Variants in TENT5D observed in about 807,000 individuals in gnomAD.
TENT5D encodes terminal nucleotidyltransferase 5D, also known as cancer/testis antigen 112.
For synonymous variants in TENT5D, 103 were observed against 100.6 expected (o/e 1.02, Z -0.15); for missense variants, 191 against 287.0 (o/e 0.67, Z 2.42).
chrX:80,413,160 T>A, intron 3 of TENT5D, among the ~76,000 whole-genome samples: 1 of 112,291 alleles, frequency 8.9e-6, no homozygotes, highest in East Asian at 2.8e-4. Flanking sequence ...ACCAAATTTT[T>A]AAAACCATAT....
At chrX:80,387,896 A>G (rs961468556) in intron 3 of TENT5D, among the ~76,000 whole-genome samples, 5 of 110,893 alleles carry the variant, frequency 4.5e-5, no homozygotes, top group African/African-American at 1.6e-4. Context: ...CCACATAAAT[A>G]TATTCTATTC....
At chrX:80,435,561 C>G (rs771104735) in intron 1 of TENT5D, among the ~76,000 whole-genome samples, 2 of 112,200 alleles carry the variant, frequency 1.8e-5, no homozygotes, top group Non-Finnish European at 3.8e-5. Context: ...CAAAGAGGGA[C>G]AGACTAACAC....
At chrX:80,358,255 G>A (rs1461212106) in intron 3 of TENT5D, among the ~76,000 whole-genome samples, 1 of 111,045 alleles carries the variant, frequency 9.0e-6, no homozygotes, top group Non-Finnish European at 1.9e-5. Context: ...ATAGGCATGG[G>A]CAAGGACTTC....
At chrX:80,397,188 G>C (rs1363080019) in intron 3 of TENT5D, among the ~76,000 whole-genome samples, 12 of 104,513 alleles carry the variant, frequency 1.1e-4, no homozygotes, top group African/African-American at 4.2e-4. Flanking sequence ...CGGTTGCCAG[G>C]TGGAGGGTCT....
chrX:80,352,614 A>G (rs763328352), intron 3 of TENT5D, among the ~76,000 whole-genome samples: 16 of 105,336 alleles, frequency 1.5e-4, no homozygotes, highest in Non-Finnish European at 2.5e-4. Context: ...AGTGGGACCT[A>G]TTGAACGAGA....
At chrX:80,424,787 T>G in intron 1 of TENT5D, among the ~76,000 whole-genome samples, 1 of 112,877 alleles carries the variant, frequency 8.9e-6, no homozygotes, top group Non-Finnish European at 1.9e-5. Context: ...TAATTACCTT[T>G]ACATAGGCCT....
At chrX:80,364,720 A>G (rs377068062) in intron 3 of TENT5D, among the ~76,000 whole-genome samples, 2 of 109,657 alleles carry the variant, frequency 1.8e-5, no homozygotes, top group East Asian at 2.8e-4. Context: ...ATATGTAGAT[A>G]TATAAAATAT....
chrX:80,389,235 T>A (rs1931082421), intron 3 of TENT5D, among the ~76,000 whole-genome samples: 1 of 107,475 alleles, frequency 9.3e-6, no homozygotes. Context: ...ACAAAGATGC[T>A]TTTTTGTGTG....
intron 1 of TENT5D, among the ~76,000 whole-genome samples, chrX:80,424,746 G>C (rs953264443): frequency 1.8e-4 from 20 of 112,245 alleles, no homozygotes; most frequent in African/African-American, 6.5e-4. Flanking sequence ...CTCATACTTG[G>C]CCTGATTATT....
intron 3 of TENT5D, among the ~76,000 whole-genome samples, chrX:80,408,528 C>G (rs1284869569): frequency 5.5e-5 from 6 of 109,547 alleles, no homozygotes; most frequent in Non-Finnish European, 9.5e-5. Context: ...GACACATACA[C>G]TCTCCCAAGA....
At chrX:80,373,107 A>AT (rs1479658247) in intron 3 of TENT5D, among the ~76,000 whole-genome samples, 1 of 110,958 alleles carries the variant, frequency 9.0e-6, no homozygotes, top group Non-Finnish European at 1.9e-5. Flanking sequence ...TGCCTATTTC[A>AT]TTGTGTAAAG....
intron 3 of TENT5D, among the ~76,000 whole-genome samples, chrX:80,352,720 C>CA (rs1189877322): frequency 0.27 from 5,364 of 19,905 alleles, 515 homozygotes; most frequent in East Asian, 0.52. Context: ...AGCAAACAAA[C>CA]AAAAAAAAAA....
intron 2 of TENT5D, among the ~76,000 whole-genome samples, chrX:80,441,555 A>C (rs946799628): frequency 9.0e-6 from 1 of 111,386 alleles, no homozygotes; most frequent in Non-Finnish European, 1.9e-5. Flanking sequence ...AACTATGTCC[A>C]TGTTGAATGT....
chrX:80,339,586 GC>G, intron 2 of TENT5D, among the ~76,000 whole-genome samples: 1 of 110,678 alleles, frequency 9.0e-6, no homozygotes, highest in South Asian at 3.8e-4. Flanking sequence ...GGGAACAGAA[GC>G]TTAAAGACAA....
intron 3 of TENT5D, among the ~76,000 whole-genome samples, chrX:80,411,611 A>T (rs919386358): frequency 2.7e-5 from 3 of 112,164 alleles, no homozygotes; most frequent in African/African-American, 9.7e-5. Context: ...CTTTTAAATA[A>T]CCTTTGAATT....
At chrX:80,384,724 A>C (rs896601108) in intron 3 of TENT5D, among the ~76,000 whole-genome samples, 14 of 105,553 alleles carry the variant, frequency 1.3e-4, no homozygotes, top group African/African-American at 4.5e-4. Context: ...AGCTTCAGCA[A>C]AGTCTCAGGA....
chrX:80,441,234 C>T (rs1264944363), intron 2 of TENT5D, among the ~76,000 whole-genome samples: 2 of 110,896 alleles, frequency 1.8e-5, no homozygotes, highest in African/African-American at 6.5e-5. Context: ...GTCTGTAGTT[C>T]ATATTTCTAG....
chrX:80,373,214 T>C (rs933838896), intron 3 of TENT5D, among the ~76,000 whole-genome samples: 1 of 111,284 alleles, frequency 9.0e-6, no homozygotes, highest in African/African-American at 3.3e-5. Flanking sequence ...TTTAAAATTA[T>C]TTTTTTCAGA....
At chrX:80,348,703 G>A (rs754243807) in intron 3 of TENT5D, among the ~76,000 whole-genome samples, 4 of 111,651 alleles carry the variant, frequency 3.6e-5, no homozygotes, top group East Asian at 2.8e-4. Flanking sequence ...TATGTTGAAT[G>A]GGAGTGGTGA....
Sources: allele counts gnomAD v4.1 joint callset (sites outside exome capture counted in the v4.1 genomes callset), GRCh38; gene constraint gnomAD v4.1.1; transcripts MANE v1.5; gene names NCBI Gene and HGNC (gene_info 2026-07-23, HGNC 2026-07-21).